Variants in PAPSS1 observed in about 807,000 individuals in gnomAD.
The protein encoded by PAPSS1 is bifunctional 3'-phosphoadenosine 5'-phosphosulfate synthase 1.
Under a neutral mutation model 72.0 loss-of-function variants are expected in PAPSS1, and 50 were observed. That is an observed-to-expected ratio of 0.69 (90% CI 0.55 to 0.88). The LOEUF is 0.88. Among genes scored for constraint, PAPSS1 ranks in the 40% least tolerant of loss-of-function variants. The pLI is 0.00. For synonymous variants in PAPSS1, 261 were observed against 263.6 expected, an observed-to-expected ratio of 0.99 and a Z score of 0.09; for missense variants, 657 against 782.2, an observed-to-expected ratio of 0.84 and a Z score of 1.91.
At chr4:107,666,419 A>T (rs966142982) in intron 5 of PAPSS1, among the ~76,000 whole-genome samples, 6 of 152,220 alleles carry the variant, frequency 3.9e-5, no homozygotes, top group African/African-American at 1.4e-4. Flanking sequence ...TCTTAAATAC[A>T]TACCAAACAA....
At chr4:107,701,314 G>T in intron 1 of PAPSS1, 29 bp from the exon 2 acceptor site, 1 of 1,429,342 alleles carries the variant, frequency 7.0e-7, no homozygotes, top group South Asian at 1.2e-5. Context: ...AAAAATTCTA[G>T]TTTACATGAG....
chr4:107,709,868 T>A (rs986015567), intron 1 of PAPSS1, among the ~76,000 whole-genome samples: 2 of 152,202 alleles, frequency 1.3e-5, no homozygotes, highest in Non-Finnish European at 2.9e-5. Flanking sequence ...ATAATAAAAG[T>A]CTCCTGTTCA....
chr4:107,684,861 G>A (rs1208557701), intron 4 of PAPSS1, among the ~76,000 whole-genome samples: 1 of 152,114 alleles, frequency 6.6e-6, no homozygotes, highest in Non-Finnish European at 1.5e-5. Context: ...TGAGGGCTGT[G>A]TCACGGGCCA....
intron 3 of PAPSS1, among the ~76,000 whole-genome samples, chr4:107,688,675 T>C (rs1004867334): frequency 6.6e-5 from 10 of 152,208 alleles, no homozygotes; most frequent in African/African-American, 1.9e-4. Flanking sequence ...CACACTCCCA[T>C]CACAGCCCAC....
intron 2 of PAPSS1, among the ~76,000 whole-genome samples, chr4:107,696,434 G>T (rs924525498): frequency 6.6e-6 from 1 of 152,146 alleles, no homozygotes; most frequent in Admixed American, 6.5e-5. Context: ...GGACATGGAC[G>T]GAGCTGGAAG....
chr4:107,654,668 T>G (rs764401462), intron 8 of PAPSS1, 27 bp downstream of exon 8: 1 of 1,575,800 alleles, frequency 6.3e-7, no homozygotes, highest in East Asian at 2.2e-5. Context: ...CAAATCAAGA[T>G]AAAATGCAGC....
At chr4:107,631,298 T>C (rs1578385396) in intron 11 of PAPSS1, among the ~76,000 whole-genome samples, 1 of 152,208 alleles carries the variant, frequency 6.6e-6, no homozygotes. Context: ...TCTCTCTCCA[T>C]ACATAGACTC....
At chr4:107,701,004 CAA>C in intron 2 of PAPSS1, among the ~76,000 whole-genome samples, 165 bp downstream of exon 2, 1 of 125,230 alleles carries the variant, frequency 8.0e-6, no homozygotes. Context: ...TATAAAAGAA[CAA>C]AAAAAAAAAT....
intron 5 of PAPSS1, among the ~76,000 whole-genome samples, chr4:107,665,518 G>T (rs1378875237): frequency 6.6e-6 from 1 of 152,058 alleles, no homozygotes; most frequent in Non-Finnish European, 1.5e-5. Flanking sequence ...CACAAGCCAG[G>T]CCAGGAAAAA....
Position 107,687,086 on chromosome 4 carries a change from C to A in PAPSS1, c.503G>T (p.Arg168Met). Residue 168 changes from arginine to methionine, a missense_variant, in exon 4 of 12, where the codon AGG becomes ATG. Arg to Met is a moderately conservative substitution (Grantham distance 91). Around this residue, in one of 7 missense-constraint regions of PAPSS1, gnomAD observed 119 missense variants for 171.1 expected, o/e 0.70. Coordinates refer to ENST00000265174, the MANE Select transcript of PAPSS1 (RefSeq NM_005443.5). Reference sequence around the variant, plus strand: ...TTTTTTGTAGAGTCCTTTGACATCCCTCTGTTCACAAACATGCAGAGGAGC... The same window carrying A: ...TTTTTTGTAGAGTCCTTTGACATCCATCTGTTCACAAACATGCAGAGGAGC... ...VDAPLHVCEQ[R>M]DVKGLYKKAR... 6.2e-7 allele frequency: 1 copy of A among 1,602,780 alleles called. No individual in the cohort carries two copies. Among genetic ancestry groups the A allele is most frequent in the South Asian group, 1.1e-5 (1 of 88,324 alleles).
At chr4:107,624,916 T>C (rs1347518519) in intron 11 of PAPSS1, among the ~76,000 whole-genome samples, 1 of 152,138 alleles carries the variant, frequency 6.6e-6, no homozygotes, top group Non-Finnish European at 1.5e-5. Flanking sequence ...GCAAAGACTG[T>C]GGCAAGAAAG....
At chr4:107,698,643 T>C (rs1371996333) in intron 2 of PAPSS1, among the ~76,000 whole-genome samples, 2 of 152,156 alleles carry the variant, frequency 1.3e-5, no homozygotes, top group African/African-American at 4.8e-5. Flanking sequence ...GGAACCAGTG[T>C]CACACAGAAA....
Position 107,687,058 on chromosome 4 carries a change from G to A in PAPSS1, c.531C>T (p.Ala177=). ...ACTGACCTTTAATTTCTCCTGCCCG[G>A]GCTTTTTTGTAGAGTCCTTTGACAT... ...QRDVKGLYKK[A]RAGEIKGFTG... is the part of the protein sequence containing the mutation. The change falls in exon 4 of 12, where the codon GCC becomes GCT. Residue 177 remains alanine, a synonymous_variant. Coordinates refer to ENST00000265174, the MANE Select transcript of PAPSS1 (RefSeq NM_005443.5). The A allele has an allele frequency of 1.3e-6, 2 of 1,595,276 alleles. No individual in the cohort carries two copies. The highest frequency in any genetic ancestry group is 1.7e-6 in the Non-Finnish European group (2 of 1,173,758).
At chr4:107,684,757 A>G (rs1207007998) in intron 4 of PAPSS1, among the ~76,000 whole-genome samples, 1 of 152,040 alleles carries the variant, frequency 6.6e-6, no homozygotes, top group African/African-American at 2.4e-5. Flanking sequence ...TTCTGGACCA[A>G]ACCAATGTAT....
At chr4:107,657,208 C>T (rs1031736139) in intron 6 of PAPSS1, among the ~76,000 whole-genome samples, 12 of 152,068 alleles carry the variant, frequency 7.9e-5, no homozygotes, top group African/African-American at 2.7e-4. Context: ...CATTAGGCCT[C>T]CAAGTATTTC....
rs920970288 is a variant in PAPSS1, at chr4:107,659,948, G to A, written c.783+11C>T. The A allele has an allele frequency of 1.2e-5, 17 of 1,448,154 alleles. No homozygotes were observed. Among genetic ancestry groups the A allele is most frequent in the East Asian group, 4.6e-5 (2 of 43,872 alleles). 89.7% of individuals were successfully genotyped at this position (1,448,154 alleles called of 1,614,324 possible). The stretch of plus-strand genomic sequence containing the variant: ...TGTATCACTTAGTGTGAAAAGCAAC[G>A]AAGAACTTACTTTATTAATTTTCAG... On this transcript the variant is annotated intron_variant, in intron 6 of 11. Transcript: ENST00000265174.
At chr4:107,700,718 T>C (rs1353125813) in intron 2 of PAPSS1, among the ~76,000 whole-genome samples, 3 of 152,204 alleles carry the variant, frequency 2.0e-5, no homozygotes, top group Non-Finnish European at 4.4e-5. Context: ...TTCTGCTGTA[T>C]TACAAACATA....
intron 5 of PAPSS1, among the ~76,000 whole-genome samples, chr4:107,674,072 G>A (rs1007217752): frequency 3.9e-5 from 6 of 152,092 alleles, no homozygotes; most frequent in Non-Finnish European, 7.3e-5. Flanking sequence ...AGGAACAACC[G>A]GTACCAGCCA....
chr4:107,618,741 C>T (rs1317558109), intron 11 of PAPSS1, among the ~76,000 whole-genome samples: 1 of 152,014 alleles, frequency 6.6e-6, no homozygotes, highest in Non-Finnish European at 1.5e-5. Context: ...AATAATCCAT[C>T]CATGCAGTTA....
Sources: gnomAD v4.1 joint callset for allele counts (sites outside exome capture counted in the v4.1 genomes callset) on GRCh38, gnomAD v4.1.1 for gene constraint, gnomAD v4.1.1 regional missense constraint, MANE v1.5 for transcripts, NCBI Gene and HGNC (gene_info 2026-07-23, HGNC 2026-07-21) for gene names.